The following BANK1 variants were observed in gnomAD, a reference collection of about 807,000 sequenced individuals.
The protein encoded by BANK1 is B-cell scaffold protein with ankyrin repeats.
BANK1 carries 95 observed loss-of-function variants against 94.5 expected under a neutral mutation model. That is an observed-to-expected ratio of 1.00 (90% CI 0.85 to 1.19). The LOEUF (loss-of-function observed/expected upper bound fraction) is 1.19. Ranked by LOEUF, BANK1 falls within the 50% of genes most tolerant of loss-of-function variation. The probability of loss-of-function intolerance (pLI) is 0.00; values close to 1 mark genes in which losing one functional copy is unlikely to be tolerated. For missense variants in BANK1, 987 were observed against 932.2 expected (o/e 1.06, Z -0.77); for synonymous variants, 334 against 308.4 (o/e 1.08, Z -0.87).
intron 13 of BANK1, 27 bp downstream of exon 13, chr4:102,063,165 A>AAAT: frequency 6.3e-7 from 1 of 1,584,790 alleles, no homozygotes; most frequent in East Asian, 2.2e-5. Context: ...TGCTATTCAA[A>AAAT]AATAATAGAG....
intron 7 of BANK1, among the ~76,000 whole-genome samples, chr4:101,931,983 A>G (rs1439116904): frequency 1.3e-5 from 2 of 151,564 alleles, no homozygotes; most frequent in African/African-American, 4.8e-5. Context: ...AAATGATTAA[A>G]ATATTCCTTC....
At chr4:101,940,582 A>G (rs1171202281) in intron 7 of BANK1, among the ~76,000 whole-genome samples, 1 of 151,746 alleles carries the variant, frequency 6.6e-6, no homozygotes, top group Non-Finnish European at 1.5e-5. Flanking sequence ...TGTCTGTGAC[A>G]GTTTCTCAGA....
At chr4:102,063,679 G>A (rs941600327) in intron 13 of BANK1, among the ~76,000 whole-genome samples, 5 of 151,614 alleles carry the variant, frequency 3.3e-5, no homozygotes, top group Non-Finnish European at 7.4e-5. Flanking sequence ...AAAATTAGCC[G>A]GCCATGATGG....
chr4:101,834,535 A>G (rs946277436), intron 2 of BANK1, among the ~76,000 whole-genome samples: 2 of 152,168 alleles, frequency 1.3e-5, no homozygotes, highest in Non-Finnish European at 2.9e-5. Context: ...TATTTGCTGT[A>G]GTCTATGCAG....
chr4:101,926,384 A>C (rs1398702189), intron 7 of BANK1, among the ~76,000 whole-genome samples: 1 of 151,700 alleles, frequency 6.6e-6, no homozygotes, highest in Non-Finnish European at 1.5e-5. Context: ...ATACAGTATA[A>C]AAAGAAAATA....
intron 11 of BANK1, among the ~76,000 whole-genome samples, chr4:102,058,543 G>T (rs1375274694): frequency 6.6e-6 from 1 of 151,944 alleles, no homozygotes; most frequent in East Asian, 1.9e-4. Flanking sequence ...ATGCAATAAA[G>T]AAATCTTGTA....
chr4:101,934,400 A>G (rs1723458763), intron 7 of BANK1, among the ~76,000 whole-genome samples: 1 of 151,304 alleles, frequency 6.6e-6, no homozygotes, highest in Non-Finnish European at 1.5e-5. Context: ...AATTGGGAGG[A>G]ATAGAGGGGA....
chr4:101,989,219 C>A (rs1029003250), intron 7 of BANK1, among the ~76,000 whole-genome samples: 9 of 151,668 alleles, frequency 5.9e-5, no homozygotes, highest in Admixed American at 5.9e-4. Context: ...CCGAGGCGGG[C>A]GGATGACAAG....
chr4:102,069,910 CA>C (rs1252393087), intron 13 of BANK1, among the ~76,000 whole-genome samples: 1 of 152,106 alleles, frequency 6.6e-6, no homozygotes, highest in Non-Finnish European at 1.5e-5. Flanking sequence ...AGGAATACTA[CA>C]TGCTGTAGTA....
chr4:101,866,011 A>G (rs1728055424), intron 4 of BANK1, among the ~76,000 whole-genome samples: 1 of 152,184 alleles, frequency 6.6e-6, no homozygotes, highest in Non-Finnish European at 1.5e-5. Flanking sequence ...ACATCTAGTC[A>G]TAAACCAAAC....
At position 102,006,989 on chromosome 4, in the gene BANK1, G is replaced by A. The variant is rs80131276; in HGVS notation, c.1207-14525G>A. Among the ~76,000 whole-genome samples the A allele has an allele frequency of 4.6e-3, 657 of 142,584 alleles. 13 individuals carry two copies. In the East Asian group the frequency reaches 0.055, roughly 12 times the overall value. The allele number at this position is 142,584 out of a possible 152,430, so 93.5% of individuals were successfully genotyped here. On this transcript the variant is annotated intron_variant, in intron 7 of 16. Coordinates refer to ENST00000322953, the MANE Select transcript of BANK1 (RefSeq NM_017935.5). ...TTTTTTAAAGTAAAAAAAAAGAAAG[G>A]AAGCATTGAGCTAGTGAGCAAGTCA...
intron 7 of BANK1, among the ~76,000 whole-genome samples, chr4:102,001,545 A>G (rs1487699138): frequency 2.0e-5 from 3 of 152,220 alleles, no homozygotes; most frequent in African/African-American, 7.2e-5. Flanking sequence ...GGTTGCAGTG[A>G]GCCGAGATTG....
At chr4:101,986,827 A>ATATATGTATATATATGTG (rs1725501603) in intron 7 of BANK1, among the ~76,000 whole-genome samples, 1 of 120,240 alleles carries the variant, frequency 8.3e-6, no homozygotes, top group South Asian at 2.9e-4. Context: ...ATATGTGTAT[A>ATATATGTATATATATGTG]TATATGTATA....
At chr4:101,851,079 T>C (rs1426131631) in intron 2 of BANK1, among the ~76,000 whole-genome samples, 1 of 152,196 alleles carries the variant, frequency 6.6e-6, no homozygotes, top group Non-Finnish European at 1.5e-5. Context: ...GAGAAAGGCA[T>C]GTTAAAAGCC....
At chr4:101,879,193 T>C (rs1481878834) in intron 5 of BANK1, among the ~76,000 whole-genome samples, 1 of 151,808 alleles carries the variant, frequency 6.6e-6, no homozygotes, top group Non-Finnish European at 1.5e-5. Flanking sequence ...TAAGCAAAAT[T>C]GACAAACCTT....
In BANK1 at chr4:102,043,843, T is replaced by G. The variant is rs1312003246; in HGVS notation, c.1905T>G (p.Phe635Leu). Residue 635 changes from phenylalanine to leucine, a missense_variant, in exon 11 of 17, where the codon TTT becomes TTG. Transcript: ENST00000322953. The part of the protein sequence containing the change: ...EETTPYIAQV[F>L]QQKTARRQSD... ...TATGTTCTATACTTTTTACAGTGTT[T>G]CAACAAAAGACAGCCAGAAGACAAT... is the stretch of plus-strand genomic sequence containing the variant. 6.3e-7 allele frequency: 1 copy of G among 1,599,974 alleles called. No individual in the cohort carries two copies. The highest frequency in any genetic ancestry group is 1.7e-5 in the Admixed American group (1 of 59,810).
chr4:101,804,163 A>C (rs75088535), intron 1 of BANK1, among the ~76,000 whole-genome samples: 41,431 of 151,402 alleles, frequency 0.27, 5,840 homozygotes, highest in Non-Finnish European at 0.32. Context: ...CATAGTCACA[A>C]AAATACAGAC....
intron 7 of BANK1, among the ~76,000 whole-genome samples, chr4:101,936,752 A>G (rs560068436): frequency 6.6e-6 from 1 of 151,704 alleles, no homozygotes; most frequent in East Asian, 2.0e-4. Flanking sequence ...CAAGACTACA[A>G]TGAGATGTTA....
rs1176507515 is a variant in BANK1, at chr4:101,947,309, A to ATATATG, written c.1206+29123_1206+29124insATGTAT. Among the ~76,000 whole-genome samples, 48 of 67,894 alleles carry ATATATG rather than the reference A, an allele frequency of 7.1e-4. 2 individuals carry two copies. The highest frequency in any genetic ancestry group is 1.3e-3 in the East Asian group (3 of 2,338). 44.5% of individuals were successfully genotyped at this position (67,894 alleles called of 152,430 possible). On this transcript the variant is annotated intron_variant, in intron 7 of 16. Coordinates refer to ENST00000322953, the MANE Select transcript of BANK1 (RefSeq NM_017935.5). ...AATATATATATATATATATATATAT[A>ATATATG]TATGTATATGTATTATGTATTATAT...
Sources: allele counts gnomAD v4.1 joint callset (sites outside exome capture counted in the v4.1 genomes callset), GRCh38; gene constraint gnomAD v4.1.1; transcripts MANE v1.5; gene names NCBI Gene and HGNC (gene_info 2026-07-23, HGNC 2026-07-21).